Variants in C6 observed in about 807,000 individuals in gnomAD.
The protein encoded by C6 is complement C6.
C6 carries 101 observed loss-of-function variants against 112.9 expected under a neutral mutation model. The ratio of observed to expected loss-of-function variants is 0.89; its 90% confidence interval spans 0.76 to 1.06. The LOEUF is 1.06. C6 is among the 50% of genes least tolerant of loss of function. C6 has a pLI of 0.00. For missense variants in C6, 1,202 were observed against 1,104.6 expected (o/e 1.09, Z -1.25); for synonymous variants, 431 against 384.1 (o/e 1.12, Z -1.43).
intron 1 of C6, among the ~76,000 whole-genome samples, chr5:41,207,207 T>TAA (rs1751505261): frequency 6.6e-6 from 1 of 152,282 alleles, no homozygotes; most frequent in Middle Eastern, 3.4e-3. Flanking sequence ...AGGCCTGCCT[T>TAA]ACAAGAGCTC....
intron 1 of C6, among the ~76,000 whole-genome samples, chr5:41,220,842 C>A (rs992357936): frequency 7.9e-5 from 12 of 151,970 alleles, no homozygotes; most frequent in African/African-American, 2.9e-4. Flanking sequence ...AGTTTTCCAG[C>A]CTTTTCCCTA....
At chr5:41,231,516 A>G (rs980100342) in intron 1 of C6, among the ~76,000 whole-genome samples, 1 of 152,124 alleles carries the variant, frequency 6.6e-6, no homozygotes, top group Non-Finnish European at 1.5e-5. Context: ...TTCTTCCATT[A>G]TCGTGTAATC....
intron 1 of C6, among the ~76,000 whole-genome samples, chr5:41,238,218 G>T (rs1041238745): frequency 3.1e-5 from 4 of 131,032 alleles, no homozygotes; most frequent in Non-Finnish European, 6.4e-5. Flanking sequence ...CACAGAATTC[G>T]AAAAAACTAC....
chr5:41,222,590 G>T (rs1739249544), intron 1 of C6, among the ~76,000 whole-genome samples: 1 of 152,044 alleles, frequency 6.6e-6, no homozygotes, highest in Admixed American at 6.5e-5. Context: ...AGTTTGAAGA[G>T]TTAATTTAAA....
At chr5:41,252,086 A>G (rs1369747193) in intron 1 of C6, among the ~76,000 whole-genome samples, 1 of 152,236 alleles carries the variant, frequency 6.6e-6, no homozygotes, top group Non-Finnish European at 1.5e-5. Flanking sequence ...ATGCAAATTC[A>G]GATACCTAAG....
chr5:41,254,596 C>A (rs1741568406), intron 1 of C6, among the ~76,000 whole-genome samples: 1 of 152,032 alleles, frequency 6.6e-6, no homozygotes, highest in South Asian at 2.1e-4. Flanking sequence ...TTGATAACTC[C>A]CTTTACAGAA....
At chr5:41,159,818 A>AT (rs771303511) in intron 11 of C6, among the ~76,000 whole-genome samples, 4 of 152,112 alleles carry the variant, frequency 2.6e-5, no homozygotes, top group African/African-American at 4.8e-5. Flanking sequence ...GTTATGTTTG[A>AT]TTTTTTATGT....
At chr5:41,180,030 T>C (rs1168325097) in intron 7 of C6, among the ~76,000 whole-genome samples, 3 of 152,192 alleles carry the variant, frequency 2.0e-5, no homozygotes, top group African/African-American at 7.2e-5. Context: ...TGAATTTCAA[T>C]CTATTCATCT....
intron 15 of C6, 86 bp downstream of exon 15, chr5:41,153,724 A>G: frequency 9.5e-7 from 1 of 1,050,788 alleles, no homozygotes; most frequent in Non-Finnish European, 1.5e-6. Context: ...CTCAGTGCTT[A>G]AGAAATATAA....
intron 1 of C6, among the ~76,000 whole-genome samples, chr5:41,245,696 TTG>T (rs1248251727): frequency 2.6e-5 from 4 of 152,212 alleles, no homozygotes; most frequent in Admixed American, 2.0e-4. Flanking sequence ...AATCGTATTA[TTG>T]TCTCTTTATT....
intron 9 of C6, among the ~76,000 whole-genome samples, chr5:41,170,848 GGAA>G (rs1477972733): frequency 6.6e-6 from 1 of 152,142 alleles, no homozygotes; most frequent in Non-Finnish European, 1.5e-5. Flanking sequence ...TTTACAGAGA[GGAA>G]GGAGTTATTT....
chr5:41,225,695 G>C (rs1580224869), intron 1 of C6, among the ~76,000 whole-genome samples: 1 of 152,238 alleles, frequency 6.6e-6, no homozygotes, highest in East Asian at 1.9e-4. Flanking sequence ...CAGTGTAAAA[G>C]TGTTCCTGTT....
rs528472960 is a variant in C6, at chr5:41,228,466, G to C, written c.-20-25216C>G. Among the ~76,000 whole-genome samples, 103 of 152,130 alleles carry C rather than the reference G, an allele frequency of 6.8e-4. 1 individual carries two copies. Among genetic ancestry groups the C allele is most frequent in the South Asian group, 4.6e-3 (22 of 4,822 alleles). On this transcript the variant is annotated intron_variant, in intron 1 of 17. Coordinates refer to the C6 transcript ENST00000263413. ...TCTTATTTCTTTCTCTTGCTTAATT[G>C]CTCTGGCTAAGACTTCCAGTACTAC...
At chr5:41,154,264 T>A (rs551435122) in intron 14 of C6, among the ~76,000 whole-genome samples, 20 of 152,348 alleles carry the variant, frequency 1.3e-4, no homozygotes, top group African/African-American at 4.6e-4. Flanking sequence ...TATGAAATCA[T>A]TGGGACCTTT....
At chr5:41,172,387 C>T (rs1561125459) in intron 8 of C6, 40 bp from the exon 9 acceptor site, 1 of 1,607,402 alleles carries the variant, frequency 6.2e-7, no homozygotes, top group Admixed American at 1.7e-5. Flanking sequence ...TGAGAATGCA[C>T]CATTGACAAT....
chr5:41,253,110 A>T (rs929500366), intron 1 of C6, among the ~76,000 whole-genome samples: 1 of 152,202 alleles, frequency 6.6e-6, no homozygotes, highest in South Asian at 2.1e-4. Context: ...AAATCTGATT[A>T]TATGTTAAGA....
At chr5:41,153,594 G>C (rs535234532) in intron 15 of C6, among the ~76,000 whole-genome samples, 1 of 152,080 alleles carries the variant, frequency 6.6e-6, no homozygotes, top group Non-Finnish European at 1.5e-5. Flanking sequence ...TCTTTCACAC[G>C]TTATAAAAGC....
At chr5:41,226,501 T>A (rs534956572) in intron 1 of C6, among the ~76,000 whole-genome samples, 5 of 152,058 alleles carry the variant, frequency 3.3e-5, no homozygotes, top group Non-Finnish European at 7.4e-5. Flanking sequence ...AACTGTAGAG[T>A]ACATTGTGAT....
intron 6 of C6, among the ~76,000 whole-genome samples, chr5:41,181,948 C>G (rs1749384195): frequency 1.3e-5 from 2 of 152,288 alleles, no homozygotes; most frequent in East Asian, 1.9e-4. Flanking sequence ...AACTAAGATA[C>G]TTTTCAGTTC....
Sources: allele counts gnomAD v4.1 joint callset (sites outside exome capture counted in the v4.1 genomes callset), GRCh38; gene constraint gnomAD v4.1.1; transcripts MANE v1.5; gene names NCBI Gene and HGNC (gene_info 2026-07-23, HGNC 2026-07-21).